Variants in NRBF2 observed in about 807,000 individuals in gnomAD.
NRBF2 encodes the protein nuclear receptor binding factor 2.
In NRBF2, 12 loss-of-function variants were observed where a neutral mutation model predicts 28.5. That is an observed-to-expected ratio of 0.42 (90% CI 0.27 to 0.68). The LOEUF is 0.68. Among genes scored for constraint, NRBF2 ranks in the 30% least tolerant of loss-of-function variants. The pLI is 0.24. For synonymous variants in NRBF2, 102 were observed against 116.5 expected, an observed-to-expected ratio of 0.88 and a Z score of 0.80; for missense variants, 274 against 333.5, an observed-to-expected ratio of 0.82 and a Z score of 1.39.
At chr10:63,142,856 C>G (rs1276971700) in intron 1 of NRBF2, among the ~76,000 whole-genome samples, 1 of 135,660 alleles carries the variant, frequency 7.4e-6, no homozygotes, top group African/African-American at 2.7e-5. Flanking sequence ...TCTCAGCTCA[C>G]TGCAACCTCC....
rs549261352 is a variant in NRBF2, at chr10:63,150,319, GA to G, written c.116-1824del. 680 of 955,472 alleles carry G rather than the reference GA, an allele frequency of 7.1e-4. 5 individuals are homozygous for G. In the African/African-American group the frequency reaches 0.011, roughly 15 times the overall value. The allele number at this position is 955,472 out of a possible 1,614,324, so 59.2% of individuals were successfully genotyped here. On this transcript the variant is annotated intron_variant, in intron 2 of 3. Coordinates refer to ENST00000277746, the MANE Select transcript of NRBF2 (RefSeq NM_030759.5). ...ATGCAGCTGTACAGACATACTACAGGAAAAAAAGACAAGGGTTGTGGGAAGG... is the reference window on the plus strand; with the variant it reads ...ATGCAGCTGTACAGACATACTACAGGAAAAAAGACAAGGGTTGTGGGAAGG...
Position 63,153,390 on chromosome 10 carries a change from CATAGTAA to C in NRBF2, c.157-118_157-112del, listed in dbSNP as rs1157031762. 33 of 743,652 alleles carry C rather than the reference CATAGTAA, an allele frequency of 4.4e-5. 1 individual carries two copies. In the East Asian group the frequency reaches 6.9e-4, roughly 15 times the overall value. The allele number at this position is 743,652 out of a possible 1,614,324, so 46.1% of individuals were successfully genotyped here. A position where few individuals can be genotyped will look rare whatever the true frequency, so the allele number is the denominator to read the frequency against. On this transcript the variant is annotated intron_variant, in intron 3 of 3. Coordinates refer to ENST00000277746, the MANE Select transcript of NRBF2 (RefSeq NM_030759.5). ...ACTTTCTGAATGGTATTTTTGCAAA[CATAGTAA>C]ATTGTAAATTGTAAGTGTTGGGTTA...
At chr10:63,150,118 T>A (rs1443303800) in intron 2 of NRBF2, among the ~76,000 whole-genome samples, 2 of 130,486 alleles carry the variant, frequency 1.5e-5, no homozygotes, top group Non-Finnish European at 3.1e-5. Flanking sequence ...ATTTTTGTAT[T>A]TTTTTTTTTT....
intron 1 of NRBF2, among the ~76,000 whole-genome samples, chr10:63,138,471 G>C (rs572519756): frequency 3.0e-4 from 44 of 148,658 alleles, no homozygotes; most frequent in African/African-American, 1.1e-3. Flanking sequence ...GCGACTGAGC[G>C]AGACCTTGTC....
intron 1 of NRBF2, among the ~76,000 whole-genome samples, chr10:63,143,171 A>G (rs954483774): frequency 1.3e-5 from 2 of 152,208 alleles, no homozygotes; most frequent in African/African-American, 4.8e-5. Flanking sequence ...AATAAAAAGT[A>G]TCTGAAATCC....
chr10:63,135,283 G>A (rs1320704665), intron 1 of NRBF2, among the ~76,000 whole-genome samples: 2 of 152,212 alleles, frequency 1.3e-5, no homozygotes, highest in African/African-American at 4.8e-5. Context: ...AAACTTCACA[G>A]GAGTATTACT....
Position 63,153,766 on chromosome 10 carries a change from C to G in NRBF2, c.412C>G (p.Pro138Ala). 3 of 1,612,974 alleles carry G rather than the reference C, an allele frequency of 1.9e-6. No homozygotes were observed. The highest frequency in any genetic ancestry group is 2.5e-6 in the Non-Finnish European group (3 of 1,179,808). Residue 138 changes from proline to alanine, a missense_variant, in exon 4 of 4, where the codon CCA becomes GCA. By Grantham distance (27) the Pro-to-Ala change is conservative. Transcript: ENST00000277746. ...GATTCAGGGGATCTTTGACAGGGAT[C>G]CAGACACACTACTTTATTTACTTCA... Reference protein sequence around the residue: ...PEIQGIFDRDPDTLLYLLQQK... With the variant: ...PEIQGIFDRDADTLLYLLQQK...
At chr10:63,139,930 G>A (rs1392340154) in intron 1 of NRBF2, among the ~76,000 whole-genome samples, 1 of 151,926 alleles carries the variant, frequency 6.6e-6, no homozygotes, top group Non-Finnish European at 1.5e-5. Flanking sequence ...GAGCCCGGGA[G>A]TTCAAGACCA....
intron 1 of NRBF2, among the ~76,000 whole-genome samples, chr10:63,134,324 G>C (rs1408642020): frequency 6.6e-6 from 1 of 152,202 alleles, no homozygotes; most frequent in Non-Finnish European, 1.5e-5. Context: ...TTTCCAGAGA[G>C]GTTACCCATT....
rs775218253 is a variant in NRBF2, at chr10:63,133,351, C to G, written c.-120C>G. The G allele has an allele frequency of 1.7e-5, 21 of 1,202,218 alleles. No homozygotes were observed. Among genetic ancestry groups the G allele is most frequent in the Non-Finnish European group, 2.5e-5 (21 of 835,806 alleles). 74.5% of individuals were successfully genotyped at this position (1,202,218 alleles called of 1,614,324 possible). Reference sequence around the variant, plus strand: ...TTGCTCCTTCAGCGCCTATCGCTGGCTCTTGGGGCGCAGAGAGGGGCCGCA... The same window carrying G: ...TTGCTCCTTCAGCGCCTATCGCTGGGTCTTGGGGCGCAGAGAGGGGCCGCA... On this transcript the variant is annotated 5_prime_UTR_variant, in exon 1 of 4. Coordinates refer to ENST00000277746, the MANE Select transcript of NRBF2 (RefSeq NM_030759.5).
intron 1 of NRBF2, among the ~76,000 whole-genome samples, chr10:63,139,577 A>T (rs1418097428): frequency 6.6e-6 from 1 of 152,070 alleles, no homozygotes. Flanking sequence ...AATTTACTGG[A>T]CTCCAAAGAA....
At chr10:63,152,337 C>A in intron 3 of NRBF2, 147 bp downstream of exon 3, 2 of 584,750 alleles carry the variant, frequency 3.4e-6, no homozygotes, top group Non-Finnish European at 6.1e-6. Flanking sequence ...CACTTCACAA[C>A]GGAAATTAAA....
rs149294532 is a variant in NRBF2, at chr10:63,150,441, A to G, written c.116-1709A>G. The stretch of plus-strand genomic sequence containing the variant: ...TTTTAAATTCTTTTTAAATTGATAC[A>G]GGGTCCCGCTATGTTACCCAGTCTA... On this transcript the variant is annotated intron_variant, in intron 2 of 3. Transcript: ENST00000277746. 31 of 782,724 alleles carry G rather than the reference A, an allele frequency of 4.0e-5. No individual in the cohort carries two copies. In the East Asian group the frequency reaches 3.3e-3, roughly 84 times the overall value. 48.5% of individuals were successfully genotyped at this position (782,724 alleles called of 1,614,324 possible).
intron 1 of NRBF2, among the ~76,000 whole-genome samples, chr10:63,145,815 T>C (rs1841551925): frequency 6.6e-6 from 1 of 152,258 alleles, no homozygotes; most frequent in Non-Finnish European, 1.5e-5. Context: ...TTTTAGACTA[T>C]ACAGATTAGT....
chr10:63,152,155 C>T lies in NRBF2; in HGVS notation c.121C>T (p.Leu41Phe). 1 of 1,612,932 alleles carries T rather than the reference C, an allele frequency of 6.2e-7. No homozygotes were observed. Among genetic ancestry groups the T allele is most frequent in the Non-Finnish European group, 8.5e-7 (1 of 1,179,032 alleles). Reference protein sequence around the residue: ...ISCHKKAAAYLSEAMKLTQSE... With the variant: ...ISCHKKAAAYFSEAMKLTQSE... ...CCTATTTTTTCTCTTAACAGCATATCTTTCTGAAGCCATGAAGCTGACACA... is the reference window on the plus strand; with the variant it reads ...CCTATTTTTTCTCTTAACAGCATATTTTTCTGAAGCCATGAAGCTGACACA... The change falls in exon 3 of 4, where the codon CTT (leucine) becomes TTT (phenylalanine). Residue 41 changes from leucine (L) to phenylalanine (F), a missense_variant. Transcript: ENST00000277746.
chr10:63,144,892 T>G (rs1279480779), intron 1 of NRBF2, among the ~76,000 whole-genome samples: 1 of 152,162 alleles, frequency 6.6e-6, no homozygotes, highest in Non-Finnish European at 1.5e-5. Flanking sequence ...GAAGCTTTGC[T>G]AAATCGTGTG....
At chr10:63,144,675 A>G (rs1368659673) in intron 1 of NRBF2, among the ~76,000 whole-genome samples, 1 of 151,856 alleles carries the variant, frequency 6.6e-6, no homozygotes, top group Non-Finnish European at 1.5e-5. Flanking sequence ...CTCGGCCTCC[A>G]AAAGTGCTAG....
chr10:63,146,338 A>G (rs1257241162), intron 2 of NRBF2, 45 bp downstream of exon 2: 1 of 1,327,664 alleles, frequency 7.5e-7, no homozygotes, highest in Non-Finnish European at 1.1e-6. Context: ...GAAGAGCAGA[A>G]AGTCACAATA....
rs769098736 is a variant in NRBF2 at position 63,153,679 on chromosome 10, G to A, written c.325G>A (p.Ala109Thr). 2 of 1,612,150 alleles carry A rather than the reference G, an allele frequency of 1.2e-6. No individual in the cohort carries two copies. Among genetic ancestry groups the A allele is most frequent in the South Asian group, 1.1e-5 (1 of 90,988 alleles). The change falls in exon 4 of 4, where the codon GCA becomes ACA. Residue 109 changes from alanine (A) to threonine (T), a missense_variant. By Grantham distance (58) the Ala-to-Thr change is moderately conservative. Coordinates refer to ENST00000277746, the MANE Select transcript of NRBF2 (RefSeq NM_030759.5). ...QTSHKPSAED[A>T]EGQSPLSQKY... ...ATCTCACAAACCCTCTGCAGAGGAT[G>A]CAGAGGGCCAGAGTCCCCTTTCTCA...
Sources: gnomAD v4.1 joint callset for allele counts (sites outside exome capture counted in the v4.1 genomes callset) on GRCh38, gnomAD v4.1.1 for gene constraint, MANE v1.5 for transcripts, NCBI Gene and HGNC (gene_info 2026-07-23, HGNC 2026-07-21) for gene names.